TECPR2: variants seen among roughly 807,000 people sequenced by gnomAD.
The protein encoded by TECPR2 is tectonin beta-propeller repeat-containing protein 2.
In TECPR2, 65 loss-of-function variants were observed where a neutral mutation model predicts 138.1. The observed-to-expected ratio is 0.47, with a 90% CI of 0.39 to 0.58. The LOEUF (loss-of-function observed/expected upper bound fraction) is 0.58. Ranked by LOEUF, TECPR2 falls within the 20% of genes least tolerant of loss-of-function variation. The pLI is 0.00. For synonymous variants in TECPR2, 746 were observed against 749.8 expected (o/e 0.99, Z 0.08); for missense variants, 1,553 against 1,824.5 (o/e 0.85, Z 2.71).
In TECPR2 at chr14:102,428,222, G is replaced by GTTTT. The variant is rs565236204; in HGVS notation, c.952-9_952-6dup. ...ACCGTTGTTTAGTTTTGTGTTTTTT[G>GTTTT]TTTTTTTTTTTTTTTTTTTTTTGAC... On this transcript the variant is annotated intron_variant, in intron 6 of 19. Coordinates refer to ENST00000359520, the MANE Select transcript of TECPR2 (RefSeq NM_014844.5). The GTTTT allele has an allele frequency of 1.6e-3, 1,716 of 1,057,852 alleles. 41 individuals carry two copies. Among genetic ancestry groups the GTTTT allele is most frequent in the South Asian group, 5.0e-3 (257 of 51,606 alleles). 65.5% of individuals were successfully genotyped at this position (1,057,852 alleles called of 1,614,324 possible). A position where few individuals can be genotyped will look rare whatever the true frequency, so the allele number is the denominator to read the frequency against.
chr14:102,498,057 C>T, intron 19 of TECPR2, 46 bp from the exon 20 acceptor site: 1 of 1,595,022 alleles, frequency 6.3e-7, no homozygotes, highest in South Asian at 1.1e-5. Context: ...GCCCACCCCA[C>T]AGGCTGTGTG....
intron 12 of TECPR2, among the ~76,000 whole-genome samples, chr14:102,445,121 A>G (rs1424927395): frequency 6.6e-6 from 1 of 152,214 alleles, no homozygotes; most frequent in Non-Finnish European, 1.5e-5. Flanking sequence ...AGTGTGGAGC[A>G]TGCAGCACTG....
intron 5 of TECPR2, 63 bp from the exon 6 acceptor site, chr14:102,424,916 C>T (rs1889274130): frequency 4.1e-6 from 6 of 1,469,056 alleles, no homozygotes; most frequent in Admixed American, 2.1e-5. Flanking sequence ...GGGTTGACAA[C>T]TGCATTACTT....
Position 102,449,694 on chromosome 14 carries a change from T to A in TECPR2, c.3141T>A (p.Thr1047=). ...CSLFQTIIHA[T]HSVATAAQAP... is the part of the protein sequence containing the mutation. Reference sequence around the variant, plus strand: ...TATTTCAGACGATAATCCATGCCACTCACTCGGTGGCCACAGCAGCCCAAG... The same window carrying A: ...TATTTCAGACGATAATCCATGCCACACACTCGGTGGCCACAGCAGCCCAAG... Residue 1047 remains threonine, a synonymous_variant, in exon 14 of 20, where the codon ACT becomes ACA. Transcript: ENST00000359520. 1 of 1,614,188 alleles carries A rather than the reference T, an allele frequency of 6.2e-7. No individual in the cohort carries two copies. The highest frequency in any genetic ancestry group is 8.5e-7 in the Non-Finnish European group (1 of 1,180,028).
In TECPR2 at chr14:102,443,700, C is replaced by T. The variant is rs1230217240; in HGVS notation, c.2806C>T (p.Pro936Ser). Residue 936 changes from proline (P) to serine (S), a missense_variant, in exon 12 of 20, where the codon CCG (proline) becomes TCG (serine). Transcript: ENST00000359520. The surrounding 1 kb of genome is among the most constrained non-coding windows in gnomAD (Gnocchi z 4.9). ...AGCCGTAAAGGTGGACTGTCCCTAC[C>T]CGCTGTCCCAGATCACAGCCCGGAA... The part of the protein sequence containing the change: ...ARAVKVDCPY[P>S]LSQITARNNV... 1 of 1,612,120 alleles carries T rather than the reference C, an allele frequency of 6.2e-7. No individual in the cohort carries two copies. The highest frequency in any genetic ancestry group is 1.3e-5 in the African/African-American group (1 of 74,858).
rs758091329 is a variant in TECPR2 at position 102,452,548 on chromosome 14, C to T, written c.3561C>T (p.Leu1187=). The T allele has an allele frequency of 5.6e-6, 9 of 1,610,940 alleles. No individual in the cohort carries two copies. Among genetic ancestry groups the T allele is most frequent in the Non-Finnish European group, 7.6e-6 (9 of 1,179,174 alleles). The change falls in exon 16 of 20, where the codon CTC becomes CTT. Residue 1187 remains leucine, a synonymous_variant. Coordinates refer to ENST00000359520, the MANE Select transcript of TECPR2 (RefSeq NM_014844.5). ...CQDALWALDS[L]GQVFIRTLSK... ...ATGCGCTGTGGGCGCTGGACAGCCT[C>T]GGCCAGGTGTTCATCAGGACGCTCT...
chr14:102,488,640 G>A (rs954617536), intron 17 of TECPR2, among the ~76,000 whole-genome samples: 9 of 151,390 alleles, frequency 5.9e-5, no homozygotes, highest in Middle Eastern at 3.4e-3. Context: ...CACTGCACCC[G>A]GCCTAATTGA....
intron 9 of TECPR2, chr14:102,437,079 G>A (rs1048307311): frequency 2.0e-6 from 2 of 985,416 alleles, no homozygotes; most frequent in South Asian, 4.7e-5. Context: ...TTGGAGGTTC[G>A]GTGTGGAAGT....
intron 2 of TECPR2, among the ~76,000 whole-genome samples, chr14:102,392,037 G>A (rs561696054): frequency 2.4e-4 from 36 of 152,292 alleles, no homozygotes; most frequent in African/African-American, 8.2e-4. Context: ...TGCCCAGGCT[G>A]GAGTGCAATG....
In TECPR2 at chr14:102,440,502, A is replaced by T; in HGVS notation, c.2645A>T (p.Lys882Met). The T allele has an allele frequency of 6.2e-7, 1 of 1,614,252 alleles. No homozygotes were observed. The highest frequency in any genetic ancestry group is 1.3e-5 in the African/African-American group (1 of 75,080). The change falls in exon 11 of 20, where the codon AAG becomes ATG. Residue 882 changes from lysine (K) to methionine (M), a missense_variant. Lys to Met is a moderately conservative substitution (Grantham distance 95). Transcript: ENST00000359520. The part of the protein sequence containing the change: ...RAFACGKVTI[K>M]GKRHWYEALP... The stretch of plus-strand genomic sequence containing the variant: ...TTTGCTTGTGGGAAAGTCACCATCA[A>T]GGGGAAGCGGCACTGGTACGAAGCC...
intron 2 of TECPR2, among the ~76,000 whole-genome samples, chr14:102,383,176 A>G (rs1039317131): frequency 6.6e-6 from 1 of 152,152 alleles, no homozygotes; most frequent in Non-Finnish European, 1.5e-5. Context: ...CCTCCTAATC[A>G]TTACCCCTCC....
intron 13 of TECPR2, among the ~76,000 whole-genome samples, chr14:102,446,678 C>T (rs1209909934): frequency 6.6e-6 from 1 of 152,044 alleles, no homozygotes; most frequent in Non-Finnish European, 1.5e-5. Context: ...AGTGGAGCCA[C>T]CACTCCCAGC....
At chr14:102,486,573 G>A (rs566092665) in intron 17 of TECPR2, among the ~76,000 whole-genome samples, 50 of 152,352 alleles carry the variant, frequency 3.3e-4, no homozygotes, top group South Asian at 8.3e-4. Flanking sequence ...CAGGGGCCCT[G>A]AGGCACCTCT....
At chr14:102,451,294 A>G (rs1168122766) in intron 15 of TECPR2, among the ~76,000 whole-genome samples, 1 of 152,206 alleles carries the variant, frequency 6.6e-6, no homozygotes. Context: ...ACCTCCTCCC[A>G]GGATTGCCTG....
chr14:102,385,653 T>C (rs1304698137), intron 2 of TECPR2, among the ~76,000 whole-genome samples: 4 of 151,980 alleles, frequency 2.6e-5, no homozygotes, highest in Admixed American at 2.0e-4. Context: ...TTTTAGCTAG[T>C]CCAGGCATAG....
intron 15 of TECPR2, 47 bp from the exon 16 acceptor site, chr14:102,452,347 C>T (rs761906384): frequency 4.5e-6 from 7 of 1,565,448 alleles, no homozygotes; most frequent in Non-Finnish European, 6.1e-6. Context: ...GGGCAGGCGG[C>T]TTGGTGCAGA....
intron 17 of TECPR2, among the ~76,000 whole-genome samples, chr14:102,477,644 G>A (rs1339406192): frequency 6.9e-6 from 1 of 145,524 alleles, no homozygotes; most frequent in African/African-American, 2.5e-5. Context: ...TCCGCCTCCT[G>A]GGTTCATACC....
chr14:102,367,861 A>G (rs1425887427), intron 1 of TECPR2, among the ~76,000 whole-genome samples: 1 of 152,056 alleles, frequency 6.6e-6, no homozygotes, highest in Non-Finnish European at 1.5e-5. Context: ...CCAGCAATGT[A>G]TACAGTTTTT....
At chr14:102,414,906 A>G in intron 5 of TECPR2, 113 bp downstream of exon 5, 1 of 1,331,558 alleles carries the variant, frequency 7.5e-7, no homozygotes, top group East Asian at 2.4e-5. Flanking sequence ...GCAAACCCAC[A>G]GCGCCTCTAA....
Sources: allele counts gnomAD v4.1 joint callset (sites outside exome capture counted in the v4.1 genomes callset), GRCh38; gene constraint gnomAD v4.1.1; non-coding constraint Gnocchi (gnomAD v3.1); transcripts MANE v1.5; gene names NCBI Gene and HGNC (gene_info 2026-07-23, HGNC 2026-07-21).